Variants in SREBF1 observed in about 807,000 individuals in gnomAD.
SREBF1 encodes sterol regulatory element binding transcription factor 1, also known as sterol regulatory element-binding protein 1.
Under a neutral mutation model 100.1 loss-of-function variants are expected in SREBF1, and 45 were observed. The ratio of observed to expected loss-of-function variants is 0.45; its 90% CI spans 0.35 to 0.58. The LOEUF (loss-of-function observed/expected upper bound fraction) is 0.58, where lower values mean the gene tolerates loss of function less well. Ranked by LOEUF, SREBF1 falls within the 20% of genes least tolerant of loss-of-function variation. The probability of loss-of-function intolerance (pLI) is 0.00; values close to 1 mark genes in which losing one functional copy is unlikely to be tolerated. For missense variants in SREBF1, 1,324 were observed against 1,539.4 expected, an observed-to-expected ratio of 0.86 and a Z score of 2.34; for synonymous variants, 657 against 681.8, an observed-to-expected ratio of 0.96 and a Z score of 0.57.
intron 1 of SREBF1, among the ~76,000 whole-genome samples, chr17:17,825,700 C>G (rs528731436): frequency 1.1e-4 from 17 of 151,330 alleles, no homozygotes; most frequent in South Asian, 8.3e-4. Flanking sequence ...CTCTACCTCC[C>G]GGGTTCAAGT....
Position 17,819,698 on chromosome 17 carries a change from G to C in SREBF1, c.551C>G (p.Pro184Arg), listed in dbSNP as rs755201140. Residue 184 changes from proline (P) to arginine (R), a missense_variant, in exon 3 of 19, where the codon CCG becomes CGG. By Grantham distance (103) the Pro-to-Arg change is moderately radical. Transcript: ENST00000261646. ...GGAAGCCAGTGGCAGGCCAGGCAGC[G>C]GCTGCTGGGTGTTCCCGGGAGGGCT... ...TGSPPGNTQQPLPGLPLASPP... is the reference protein window; with the variant it reads ...TGSPPGNTQQRLPGLPLASPP... The C allele has an allele frequency of 6.2e-7, 1 of 1,608,600 alleles. No individual in the cohort carries two copies.
intron 1 of SREBF1, among the ~76,000 whole-genome samples, chr17:17,823,795 T>C (rs1199915925): frequency 6.6e-6 from 1 of 150,476 alleles, no homozygotes; most frequent in Non-Finnish European, 1.5e-5. Flanking sequence ...GCCGCCTCGC[T>C]AGGGCCCGGC....
chr17:17,815,064 C>T (rs962118695), intron 13 of SREBF1, 120 bp from the exon 14 acceptor site: 1 of 1,243,984 alleles, frequency 8.0e-7, no homozygotes, highest in African/African-American at 1.5e-5. Flanking sequence ...TGTCTCCTCC[C>T]ACAGGCTGGT....
Position 17,812,734 on chromosome 17 carries a change from ATGCCCACGCGC to A in SREBF1, c.3321_3331del (p.Gln1107HisfsTer4). 1.3e-6 allele frequency: 2 copies of A among 1,572,132 alleles called. No individual in the cohort carries two copies. The highest frequency in any genetic ancestry group is 1.2e-5 in the South Asian group (1 of 86,808). ...GAGTGTGCGCGCCGCCTCAGCCAGC[ATGCCCACGCGC>A]TGCCCGGGCGCCGACAGGAAGCCGG... On this transcript the variant is annotated frameshift_variant, in exon 19 of 19. Transcript: ENST00000261646. LOFTEE classifies it high-confidence loss of function.
In SREBF1 at chr17:17,812,696, C is replaced by T. The variant is rs764419751; in HGVS notation, c.3370G>A (p.Asp1124Asn). ...TGACAGTCGTGCAGCAGCCGGCGAT[C>T]GCCAAGCTTCTCGAGTGTGCGCGCC... ...EAARTLEKLG[D>N]RRLLHDCQQM... is the part of the protein sequence containing the mutation. Residue 1124 changes from aspartate (D) to asparagine (N), a missense_variant, in exon 19 of 19, where the codon GAT becomes AAT. Transcript: ENST00000261646. 5.6e-6 allele frequency: 9 copies of T among 1,604,614 alleles called. No individual in the cohort carries two copies. The highest frequency in any genetic ancestry group is 3.4e-5 in the Admixed American group (2 of 59,410).
chr17:17,811,636 A>AG lies in SREBF1; in HGVS notation c.*985dup. On this transcript the variant is annotated 3_prime_UTR_variant, in exon 19 of 19. Coordinates refer to ENST00000261646, the MANE Select transcript of SREBF1 (RefSeq NM_004176.5). ...CTCTCCAGTGTGGCGGCAGGTCGGG[A>AG]GGGAGGAGGCTTCTTTGCTGTGAGA... The AG allele has an allele frequency of 2.3e-6, 1 of 437,390 alleles. No individual in the cohort carries two copies. Among genetic ancestry groups the AG allele is most frequent in the Non-Finnish European group, 4.5e-6 (1 of 220,384 alleles). The allele number at this position is 437,390 out of a possible 1,614,324, so 27.1% of individuals were successfully genotyped here.
chr17:17,816,758 G>C (rs1295701090), intron 9 of SREBF1, 40 bp from the exon 10 acceptor site: 3 of 1,566,590 alleles, frequency 1.9e-6, no homozygotes, highest in Non-Finnish European at 2.6e-6. Context: ...AGTGAGGTCA[G>C]AGCAGCTGCC....
At chr17:17,830,313 G>A (rs879421342) in intron 1 of SREBF1, among the ~76,000 whole-genome samples, 1 of 152,260 alleles carries the variant, frequency 6.6e-6, no homozygotes, top group Admixed American at 6.5e-5. Flanking sequence ...ATAGGCGTGA[G>A]CCACTGCATC....
rs967139896 is a variant in SREBF1 at position 17,823,654 on chromosome 17, GCCCGCCCCGCCCCGC to G, written c.92-3148_92-3134del. ...TTGAAGCCGTTGAGCGCTGCGGCGC[GCCCGCCCCGCCCCGC>G]CCCGCCCCCAGCCCCGCCCCAGCCC... On this transcript the variant is annotated intron_variant, in intron 1 of 18. Coordinates refer to ENST00000261646, the MANE Select transcript of SREBF1 (RefSeq NM_004176.5). 2.2e-6 allele frequency: 3 copies of G among 1,381,588 alleles called. No homozygotes were observed. In the African/African-American group the frequency reaches 4.4e-5, roughly 20 times the overall value. 85.6% of individuals were successfully genotyped at this position (1,381,588 alleles called of 1,614,324 possible).
At position 17,824,941 on chromosome 17, in the gene SREBF1, T is replaced by G. The variant is rs1241677010; in HGVS notation, c.92-4420A>C. ...AGGACAACAGACGGCCTCTCTAGCA[T>G]GGCCCAACCCTCCCCTCAGCCCGCG... On this transcript the variant is annotated intron_variant, in intron 1 of 18. Transcript: ENST00000261646. The surrounding 1 kb of genome is among the most constrained non-coding windows in gnomAD (Gnocchi z 4.2). 1.3e-5 allele frequency among the ~76,000 whole-genome samples: 2 copies of G among 152,170 alleles called. No individual in the cohort carries two copies. Among genetic ancestry groups the G allele is most frequent in the Non-Finnish European group, 2.9e-5 (2 of 68,016 alleles).
chr17:17,830,474 G>A (rs903692204), intron 1 of SREBF1, among the ~76,000 whole-genome samples: 4 of 152,238 alleles, frequency 2.6e-5, no homozygotes, highest in African/African-American at 7.2e-5. Flanking sequence ...GAACCTGAAG[G>A]TTCTTGGACT....
chr17:17,824,338 T>C lies in SREBF1; in HGVS notation c.92-3817A>G, dbSNP rs1470155295. Reference sequence around the variant, plus strand: ...CTTCCGGGAAACTGAGGCCTGGAAATAAGGGTTTCCTGACTGCCAGCACCG... The same window carrying C: ...CTTCCGGGAAACTGAGGCCTGGAAACAAGGGTTTCCTGACTGCCAGCACCG... On this transcript the variant is annotated intron_variant, in intron 1 of 18. Transcript: ENST00000261646. The surrounding 1 kb of genome is among the most constrained non-coding windows in gnomAD (Gnocchi z 4.2). Among the ~76,000 whole-genome samples the C allele has an allele frequency of 6.6e-6, 1 of 151,966 alleles. No individual in the cohort carries two copies. Among genetic ancestry groups the C allele is most frequent in the Non-Finnish European group, 1.5e-5 (1 of 67,978 alleles).
chr17:17,828,977 G>A (rs554545075), intron 1 of SREBF1, among the ~76,000 whole-genome samples: 9 of 151,964 alleles, frequency 5.9e-5, no homozygotes, highest in African/African-American at 1.7e-4. Context: ...GGCAGATCAC[G>A]AGGTCAGGAG....
Position 17,816,723 on chromosome 17 carries a change from G to A in SREBF1, c.1786-5C>T, listed in dbSNP as rs759312298. 1.9e-6 allele frequency: 3 copies of A among 1,576,606 alleles called. No homozygotes were observed. Among genetic ancestry groups the A allele is most frequent in the African/African-American group, 1.3e-5 (1 of 74,364 alleles). ...GGCAGCCTGGGCAAAGTCTCCCTGT[G>A]GATGAGGGTTTTCCAGGTGAGAAAA... On this transcript the variant is annotated splice_region_variant and splice_polypyrimidine_tract_variant and intron_variant, in intron 9 of 18. Coordinates refer to ENST00000261646, the MANE Select transcript of SREBF1 (RefSeq NM_004176.5).
intron 1 of SREBF1, among the ~76,000 whole-genome samples, chr17:17,825,280 T>A (rs1248958195): frequency 6.6e-6 from 1 of 152,246 alleles, no homozygotes; most frequent in Non-Finnish European, 1.5e-5. Flanking sequence ...TTATTGTGTC[T>A]TTATTTGTCT....
Position 17,817,428 on chromosome 17 carries a change from G to A in SREBF1, c.1434C>T (p.His478=), listed in dbSNP as rs1296079209. The A allele has an allele frequency of 6.3e-7, 1 of 1,592,508 alleles. No individual in the cohort carries two copies. The highest frequency in any genetic ancestry group is 8.6e-7 in the Non-Finnish European group (1 of 1,169,524). The change falls in exon 8 of 19, where the codon CAC becomes CAT. Residue 478 remains histidine (H), a synonymous_variant. Transcript: ENST00000261646. This position sits in a 1 kb window ranked among gnomAD's most constrained non-coding sequence, Gnocchi z 6.6. ...KAKPEQRPSL[H]SRGMLDRSRL... The stretch of plus-strand genomic sequence containing the variant: ...GGGAGCGGTCCAGCATGCCCCGGCT[G>A]TGCAGAGACGGCCGCTGCTCTGGCT...
rs745976144 is a variant in SREBF1 at position 17,817,139 on chromosome 17, A to T, written c.1607-3T>A. 1 of 1,613,092 alleles carries T rather than the reference A, an allele frequency of 6.2e-7. No individual in the cohort carries two copies. The highest frequency in any genetic ancestry group is 1.1e-5 in the South Asian group (1 of 91,086). ...CCACTGGGCCCAGCCAGGGCCATCT[A>T]TGGACAGAGGGAAAGCTGGGGACAC... On this transcript the variant is annotated splice_polypyrimidine_tract_variant and splice_region_variant and intron_variant, in intron 8 of 18. Coordinates refer to ENST00000261646, the MANE Select transcript of SREBF1 (RefSeq NM_004176.5). The surrounding 1 kb of genome is among the most constrained non-coding windows in gnomAD (Gnocchi z 6.6).
chr17:17,812,889 C>G, intron 18 of SREBF1, 38 bp from the exon 19 acceptor site: 1 of 1,449,890 alleles, frequency 6.9e-7, no homozygotes, highest in South Asian at 1.4e-5. Context: ...GGGTCTCAAG[C>G]TGGCCACGCC....
chr17:17,817,524 G>A lies in SREBF1; in HGVS notation c.1405-67C>T, dbSNP rs2282180. The A allele has an allele frequency of 4.0e-3, 6,042 of 1,520,840 alleles. 134 individuals are homozygous for A. In the East Asian group the frequency reaches 0.076, roughly 19 times the overall value. 94.2% of individuals were successfully genotyped at this position (1,520,840 alleles called of 1,614,324 possible). On this transcript the variant is annotated intron_variant, in intron 7 of 18. Transcript: ENST00000261646. The surrounding 1 kb of genome is among the most constrained non-coding windows in gnomAD (Gnocchi z 6.6). The stretch of plus-strand genomic sequence containing the variant: ...ACCCCAGAGAGCATGGGGCTGGGAA[G>A]GGGGGGGTCAGGATTCTGCCCACCT...
Sources: gnomAD v4.1 joint callset for allele counts (sites outside exome capture counted in the v4.1 genomes callset) on GRCh38, gnomAD v4.1.1 for gene constraint, Gnocchi (gnomAD v3.1) non-coding constraint, MANE v1.5 for transcripts, NCBI Gene and HGNC (gene_info 2026-07-23, HGNC 2026-07-21) for gene names.